Variants in CCDC32 observed in about 807,000 individuals in gnomAD.
The protein encoded by CCDC32 is coiled-coil domain-containing protein 32.
CCDC32 carries 9 observed loss-of-function variants against 20.1 expected under a neutral mutation model. That is an observed-to-expected ratio of 0.45 (90% CI 0.27 to 0.78). The LOEUF is 0.78. Ranked by LOEUF, CCDC32 falls within the 30% of genes least tolerant of loss-of-function variation. The pLI is 0.16. For synonymous variants in CCDC32, 63 were observed against 79.0 expected, an observed-to-expected ratio of 0.80 and a Z score of 1.07; for missense variants, 204 against 215.5, an observed-to-expected ratio of 0.95 and a Z score of 0.33.
downstream of CCDC32, chr15:40,528,676 G>A (rs1894930437): frequency 1.5e-6 from 1 of 675,316 alleles, no homozygotes; most frequent in South Asian, 1.6e-5. Context: ...TGACGGAGGT[G>A]GGTTGGAGTT....
chr15:40,564,721 A>G, intron 1 of CCDC32: 1 of 1,614,074 alleles, frequency 6.2e-7, no homozygotes, highest in South Asian at 1.1e-5. Flanking sequence ...GTGAACCCCC[A>G]ACCCGAATTC....
At chr15:40,525,861 G>A (rs999009484), downstream of CCDC32, among the ~76,000 whole-genome samples, 9 of 152,126 alleles carry the variant, frequency 5.9e-5, no homozygotes, top group Non-Finnish European at 2.9e-5. Context: ...CCAATGCCCT[G>A]GCCCTTGGAT....
downstream of CCDC32, among the ~76,000 whole-genome samples, chr15:40,524,275 G>C (rs897330803): frequency 6.8e-6 from 1 of 147,684 alleles, no homozygotes; most frequent in Non-Finnish European, 1.5e-5. Context: ...TCCTGCCTCA[G>C]CCTCCCGAGT....
intron 2 of CCDC32, among the ~76,000 whole-genome samples, chr15:40,558,276 T>C (rs2141646249): frequency 6.6e-6 from 1 of 152,268 alleles, no homozygotes; most frequent in African/African-American, 2.4e-5. Flanking sequence ...AAAAGTCACA[T>C]CAGCTAACAC....
At chr15:40,530,949 A>G (rs773848261), downstream of CCDC32, among the ~76,000 whole-genome samples, 1 of 151,606 alleles carries the variant, frequency 6.6e-6, no homozygotes, top group Non-Finnish European at 1.5e-5. Context: ...AGCTCAAGCA[A>G]TCCACCCATC....
downstream of CCDC32, among the ~76,000 whole-genome samples, chr15:40,548,300 A>G (rs1014108873): frequency 1.3e-5 from 2 of 152,150 alleles, no homozygotes; most frequent in Admixed American, 6.6e-5. Flanking sequence ...GACAACTGCA[A>G]CCACCTCACA....
Position 40,553,229 on chromosome 15 carries a change from A to T in CCDC32, c.*742T>A. Reference sequence around the variant, plus strand: ...TGGAACTATCCAGGAGTAGTGTCAAACACTAACACCATATTTACAAGTCTA... The same window carrying T: ...TGGAACTATCCAGGAGTAGTGTCAATCACTAACACCATATTTACAAGTCTA... On this transcript the variant is annotated 3_prime_UTR_variant, in exon 4 of 4. Transcript: ENST00000416810. The T allele has an allele frequency of 1.0e-6, 1 of 985,452 alleles. No individual in the cohort carries two copies. The highest frequency in any genetic ancestry group is 4.7e-5 in the South Asian group (1 of 21,292). The allele number at this position is 985,452 out of a possible 1,614,324, so 61.0% of individuals were successfully genotyped here.
downstream of CCDC32, chr15:40,536,331 C>T (rs1889108298): frequency 6.6e-6 from 1 of 152,402 alleles, no homozygotes. Context: ...GGGAAGATGC[C>T]TTTAGCCCTG....
intron 3 of CCDC32, among the ~76,000 whole-genome samples, chr15:40,546,417 G>A (rs1889621190): frequency 6.6e-6 from 1 of 151,586 alleles, no homozygotes; most frequent in Non-Finnish European, 1.5e-5. Flanking sequence ...TCAAACTCCT[G>A]TGCTCATGTG....
downstream of CCDC32, among the ~76,000 whole-genome samples, chr15:40,523,866 A>G (rs1477922986): frequency 6.6e-6 from 1 of 152,240 alleles, no homozygotes; most frequent in Non-Finnish European, 1.5e-5. Flanking sequence ...AAATGGGACA[A>G]CCACTTTAGA....
At chr15:40,559,827 A>G (rs1351140255) in intron 2 of CCDC32, among the ~76,000 whole-genome samples, 13 of 152,192 alleles carry the variant, frequency 8.5e-5, no homozygotes, top group Admixed American at 8.5e-4. Flanking sequence ...ATAACAACAC[A>G]AATTGGGGAA....
chr15:40,551,877 G>A (rs892463600), downstream of CCDC32, among the ~76,000 whole-genome samples: 4 of 151,070 alleles, frequency 2.6e-5, no homozygotes, highest in African/African-American at 9.7e-5. Context: ...AAAGGGCCAG[G>A]CATGGTGACT....
exon 4 of CCDC32, chr15:40,539,342 T>C (rs766540599): frequency 2.6e-6 from 4 of 1,535,434 alleles, no homozygotes; most frequent in South Asian, 1.2e-5. Flanking sequence ...CCAGGGGTTC[T>C]GGAGTTACAG....
At chr15:40,547,649 C>A (rs1889675154) in intron 3 of CCDC32, among the ~76,000 whole-genome samples, 1 of 152,206 alleles carries the variant, frequency 6.6e-6, no homozygotes, top group Non-Finnish European at 1.5e-5. Context: ...TGACACCTCA[C>A]CAGAAGCAGA....
chr15:40,541,547 G>T (rs1889394666), intron 3 of CCDC32, among the ~76,000 whole-genome samples: 1 of 152,136 alleles, frequency 6.6e-6, no homozygotes, highest in African/African-American at 2.4e-5. Context: ...GGCCAGGCTG[G>T]TCTCGAACTC....
At chr15:40,534,405 C>T (rs1358171369), downstream of CCDC32, 1 of 156,408 alleles carries the variant, frequency 6.4e-6, no homozygotes, top group Non-Finnish European at 1.4e-5. Flanking sequence ...CCTCAAGAAA[C>T]TTACATTCAT....
At chr15:40,532,529 T>G (rs1235449836), downstream of CCDC32, among the ~76,000 whole-genome samples, 1 of 152,152 alleles carries the variant, frequency 6.6e-6, no homozygotes, top group Non-Finnish European at 1.5e-5. Context: ...GAGCCCATCA[T>G]CTTGTCTCCT....
At chr15:40,528,230 T>A (rs1595881522), downstream of CCDC32, among the ~76,000 whole-genome samples, 1 of 152,198 alleles carries the variant, frequency 6.6e-6, no homozygotes, top group African/African-American at 2.4e-5. Flanking sequence ...CTTGGTCTTC[T>A]TTCTCCCTCA....
downstream of CCDC32, chr15:40,534,669 G>C (rs1024010092): frequency 1.9e-6 from 1 of 518,080 alleles, no homozygotes; most frequent in Non-Finnish European, 3.5e-6. Context: ...ATCACCAACT[G>C]TCTACTTCTC....
Sources: gnomAD v4.1 joint callset for allele counts (sites outside exome capture counted in the v4.1 genomes callset) on GRCh38, gnomAD v4.1.1 for gene constraint, MANE v1.5 for transcripts, NCBI Gene and HGNC (gene_info 2026-07-23, HGNC 2026-07-21) for gene names.